PSEN1: variants seen among roughly 807,000 people sequenced by gnomAD.
PSEN1 encodes presenilin-1.
PSEN1 carries 15 observed loss-of-function variants against 53.5 expected under a neutral mutation model. The observed-to-expected ratio is 0.28, with a 90% CI of 0.19 to 0.43. The LOEUF is 0.43. PSEN1 is among the 20% of genes least tolerant of loss of function. The pLI, the probability that PSEN1 is intolerant of heterozygous loss-of-function variation, is 1.00. For missense variants in PSEN1, 387 were observed against 571.2 expected, an observed-to-expected ratio of 0.68 and a Z score of 3.29; for synonymous variants, 208 against 209.8, an observed-to-expected ratio of 0.99 and a Z score of 0.08.
At chr14:73,169,687 G>A (rs1162844990) in intron 3 of PSEN1, among the ~76,000 whole-genome samples, 1 of 145,944 alleles carries the variant, frequency 6.9e-6, no homozygotes, top group African/African-American at 2.5e-5. Context: ...TTTGAGCCTT[G>A]CTTTGTCACC....
intron 9 of PSEN1, among the ~76,000 whole-genome samples, chr14:73,209,990 C>T (rs574270215): frequency 6.6e-6 from 1 of 152,332 alleles, no homozygotes; most frequent in East Asian, 1.9e-4. Flanking sequence ...TAATCAAAAA[C>T]TCCTCCATCC....
In PSEN1 at chr14:73,170,794, T is replaced by C. The variant is rs780676862; in HGVS notation, c.88-3T>C. On this transcript the variant is annotated splice_polypyrimidine_tract_variant and splice_region_variant and intron_variant, in intron 3 of 11. Coordinates refer to ENST00000324501, the MANE Select transcript of PSEN1 (RefSeq NM_000021.4). ...ACTGAAAATGTTTTTCTTGTGCTTA[T>C]AGAATGACAATAGAGAACGGCAGGA... 6.2e-7 allele frequency: 1 copy of C among 1,614,184 alleles called. No homozygotes were observed. Among genetic ancestry groups the C allele is most frequent in the Admixed American group, 1.7e-5 (1 of 60,016 alleles).
At chr14:73,176,285 TC>T (rs1191571330) in intron 5 of PSEN1, among the ~76,000 whole-genome samples, 1 of 152,266 alleles carries the variant, frequency 6.6e-6, no homozygotes, top group Non-Finnish European at 1.5e-5. Flanking sequence ...GTTTCTTAAT[TC>T]CTTTTCTTTA....
chr14:73,150,609 T>A (rs1169289506), intron 3 of PSEN1, among the ~76,000 whole-genome samples: 6 of 145,524 alleles, frequency 4.1e-5, no homozygotes, highest in African/African-American at 1.0e-4. Flanking sequence ...TAAAAAAAAA[T>A]GCAAAATTTA....
intron 5 of PSEN1, among the ~76,000 whole-genome samples, chr14:73,178,001 C>T (rs1898094512): frequency 6.6e-6 from 1 of 152,070 alleles, no homozygotes; most frequent in African/African-American, 2.4e-5. Context: ...GCACTGCAAC[C>T]TCTGCCTTCC....
chr14:73,207,231 G>A (rs1156601928), intron 9 of PSEN1, among the ~76,000 whole-genome samples: 1 of 151,870 alleles, frequency 6.6e-6, no homozygotes, highest in Non-Finnish European at 1.5e-5. Flanking sequence ...AACATATTAA[G>A]GAGAACACAA....
chr14:73,207,707 C>T (rs1291809101), intron 9 of PSEN1, among the ~76,000 whole-genome samples: 1 of 152,240 alleles, frequency 6.6e-6, no homozygotes, highest in African/African-American at 2.4e-5. Flanking sequence ...GAGATTTGCT[C>T]AGGCCCACTG....
At chr14:73,173,898 A>G (rs1897968308) in intron 5 of PSEN1, 191 bp downstream of exon 5, 2 of 723,668 alleles carry the variant, frequency 2.8e-6, no homozygotes, top group African/African-American at 3.5e-5. Flanking sequence ...TGCATGTGTA[A>G]TGCCAGGCTC....
In PSEN1 at chr14:73,205,228, G is replaced by A. The variant is rs540189613; in HGVS notation, c.869-1158G>A. ...GTGGTGGCTCACGCCTGTAATCCCA[G>A]CACTTTGGGAGGCTGAGGCGGGCGG... On this transcript the variant is annotated intron_variant, in intron 8 of 11. Coordinates refer to ENST00000324501, the MANE Select transcript of PSEN1 (RefSeq NM_000021.4). Among the ~76,000 whole-genome samples, 11 of 152,250 alleles carry A rather than the reference G, an allele frequency of 7.2e-5. No individual in the cohort carries two copies. In the South Asian group the frequency reaches 2.3e-3, roughly 32 times the overall value.
At chr14:73,184,821 C>T (rs1264772072) in intron 5 of PSEN1, among the ~76,000 whole-genome samples, 33 of 149,594 alleles carry the variant, frequency 2.2e-4, no homozygotes, top group African/African-American at 6.4e-4. Context: ...GGGCGGCTGC[C>T]GGGCGGAGGG....
In PSEN1 at chr14:73,218,190, G is replaced by A. The variant is rs60208626; in HGVS notation, c.1249-944G>A. ...CAACTTCTGCCTCCTAGGTTCAAGC[G>A]ATCCTCCTGTCTCAGCCTCCCAAGT... is the stretch of plus-strand genomic sequence containing the variant. On this transcript the variant is annotated intron_variant, in intron 11 of 11. Transcript: ENST00000324501. Among the ~76,000 whole-genome samples the A allele has an allele frequency of 7.4e-3, 1,081 of 146,486 alleles. 17 individuals carry two copies. The highest frequency in any genetic ancestry group is 0.026 in the African/African-American group (1,035 of 39,092).
intron 1 of PSEN1, among the ~76,000 whole-genome samples, chr14:73,137,596 A>G (rs1370081928): frequency 5.3e-5 from 8 of 152,178 alleles, no homozygotes; most frequent in Non-Finnish European, 1.2e-4. Context: ...GAACACTTGC[A>G]ACGAGGGGGT....
chr14:73,162,587 A>T lies in PSEN1; in HGVS notation c.88-8210A>T, dbSNP rs149577006. On this transcript the variant is annotated intron_variant, in intron 3 of 11. Coordinates refer to ENST00000324501, the MANE Select transcript of PSEN1 (RefSeq NM_000021.4). ...GGTGGGAGGATTGCTTGAGCCTAGG[A>T]GGTCAACGCTGTGGTAAGCTGTTGA... Among the ~76,000 whole-genome samples the T allele has an allele frequency of 8.0e-4, 121 of 151,888 alleles. 1 individual carries two copies. The highest frequency in any genetic ancestry group is 2.7e-3 in the African/African-American group (110 of 41,474).
At chr14:73,142,983 G>C (rs1896968457) in intron 1 of PSEN1, among the ~76,000 whole-genome samples, 2 of 152,078 alleles carry the variant, frequency 1.3e-5, no homozygotes, top group Admixed American at 6.6e-5. Context: ...CCTCAATTCG[G>C]GTCCCATGAA....
chr14:73,190,625 C>A (rs756436265), intron 6 of PSEN1, among the ~76,000 whole-genome samples: 1 of 152,088 alleles, frequency 6.6e-6, no homozygotes, highest in Non-Finnish European at 1.5e-5. Context: ...GTGGCTCACA[C>A]CTGTAATCTC....
chr14:73,206,621 T>C (rs781435448), intron 9 of PSEN1, 149 bp downstream of exon 9: 6 of 673,702 alleles, frequency 8.9e-6, no homozygotes, highest in Admixed American at 2.2e-5. Flanking sequence ...AATACACAGA[T>C]AAGTATTTAA....
intron 3 of PSEN1, among the ~76,000 whole-genome samples, chr14:73,151,389 A>G (rs766866661): frequency 6.6e-6 from 1 of 152,144 alleles, no homozygotes; most frequent in Non-Finnish European, 1.5e-5. Context: ...TCTTAGAACT[A>G]TTTTAGAGAT....
intron 11 of PSEN1, among the ~76,000 whole-genome samples, chr14:73,218,665 G>T (rs904904350): frequency 6.7e-6 from 1 of 149,348 alleles, no homozygotes; most frequent in African/African-American, 2.5e-5. Context: ...GAATGCTCCC[G>T]CACAGCATAG....
At chr14:73,212,095 T>C (rs1201328108) in intron 10 of PSEN1, among the ~76,000 whole-genome samples, 153 bp downstream of exon 10, 53 of 43,328 alleles carry the variant, frequency 1.2e-3, no homozygotes, top group Non-Finnish European at 1.9e-3. Flanking sequence ...GTGCTTTTTT[T>C]TTTTTTTTTT....
Sources: gnomAD v4.1 joint callset for allele counts (sites outside exome capture counted in the v4.1 genomes callset) on GRCh38, gnomAD v4.1.1 for gene constraint, MANE v1.5 for transcripts, NCBI Gene and HGNC (gene_info 2026-07-23, HGNC 2026-07-21) for gene names.